Variants in ROBO2 observed in about 807,000 individuals in gnomAD.
ROBO2 encodes the protein roundabout homolog 2.
In ROBO2, 53 loss-of-function variants were observed where a neutral mutation model predicts 160.8. The observed-to-expected ratio is 0.33, with a 90% CI of 0.26 to 0.41. The LOEUF (loss-of-function observed/expected upper bound fraction) is 0.41. Ranked by LOEUF, ROBO2 falls within the 10% of genes least tolerant of loss-of-function variation. ROBO2 has a pLI of 1.00. For missense variants in ROBO2, 1,577 were observed against 1,722.4 expected (o/e 0.92, Z 1.49); for synonymous variants, 664 against 611.7 (o/e 1.09, Z -1.26).
intron 2 of ROBO2, among the ~76,000 whole-genome samples, chr3:76,613,126 G>A (rs922263002): frequency 6.6e-6 from 1 of 152,036 alleles, no homozygotes; most frequent in African/African-American, 2.4e-5. Flanking sequence ...TGAAAAGTAA[G>A]GACTTACTCC....
intron 1 of ROBO2, among the ~76,000 whole-genome samples, chr3:77,079,816 G>A (rs544042162): frequency 6.6e-6 from 1 of 152,268 alleles, no homozygotes; most frequent in South Asian, 2.1e-4. Flanking sequence ...GGGCTGTGTT[G>A]TTTATATCAC....
chr3:76,865,562 C>T (rs1577118282), intron 2 of ROBO2, among the ~76,000 whole-genome samples: 1 of 152,076 alleles, frequency 6.6e-6, no homozygotes, highest in Non-Finnish European at 1.5e-5. Context: ...ATATGTTCTA[C>T]CACAGTCTAG....
intron 2 of ROBO2, among the ~76,000 whole-genome samples, chr3:76,230,628 A>C (rs530398941): frequency 1.3e-5 from 2 of 151,622 alleles, no homozygotes; most frequent in Non-Finnish European, 2.9e-5. Flanking sequence ...CTGACTTTTC[A>C]TCTGGAATTA....
chr3:77,177,760 G>T (rs571097445), intron 2 of ROBO2, among the ~76,000 whole-genome samples: 8 of 152,066 alleles, frequency 5.3e-5, no homozygotes, highest in African/African-American at 1.9e-4. Context: ...ATAGGCAAAA[G>T]AGAGCAAGGC....
At chr3:77,571,904 G>GAAA (rs78462911) in intron 13 of ROBO2, among the ~76,000 whole-genome samples, 1 of 143,940 alleles carries the variant, frequency 6.9e-6, no homozygotes, top group East Asian at 2.0e-4. Flanking sequence ...ATTTCGTCCT[G>GAAA]AAAAAAAAAA....
chr3:76,770,935 T>C (rs569269946), intron 2 of ROBO2, among the ~76,000 whole-genome samples: 2 of 151,440 alleles, frequency 1.3e-5, no homozygotes, highest in South Asian at 4.1e-4. Flanking sequence ...TTTCTCACCC[T>C]TGACTACAAT....
At chr3:76,308,278 G>A (rs902692902) in intron 2 of ROBO2, among the ~76,000 whole-genome samples, 1 of 150,420 alleles carries the variant, frequency 6.6e-6, no homozygotes, top group African/African-American at 2.4e-5. Flanking sequence ...TCGAGAGGCT[G>A]AGGCAGAAGA....
chr3:75,920,257 T>C (rs1392986815), intron 1 of ROBO2, among the ~76,000 whole-genome samples: 1 of 152,180 alleles, frequency 6.6e-6, no homozygotes, highest in Non-Finnish European at 1.5e-5. Flanking sequence ...TCAAAGAACT[T>C]ATTTATTTCT....
intron 2 of ROBO2, among the ~76,000 whole-genome samples, chr3:77,149,312 G>A (rs1021675611): frequency 1.3e-5 from 2 of 152,050 alleles, no homozygotes; most frequent in African/African-American, 4.8e-5. Context: ...TGGGATTACA[G>A]GCATGAGCCA....
chr3:76,413,222 C>T (rs2075587377), intron 2 of ROBO2, among the ~76,000 whole-genome samples: 1 of 152,184 alleles, frequency 6.6e-6, no homozygotes, highest in Non-Finnish European at 1.5e-5. Context: ...TCCTGGGCCT[C>T]CGGGCCTGTG....
chr3:76,747,503 A>C (rs1355519468), intron 2 of ROBO2, among the ~76,000 whole-genome samples: 1 of 152,088 alleles, frequency 6.6e-6, no homozygotes, highest in African/African-American at 2.4e-5. Flanking sequence ...CATTAATATC[A>C]TGACTTAGAG....
At chr3:76,274,100 C>T (rs1294502920) in intron 2 of ROBO2, among the ~76,000 whole-genome samples, 2 of 152,178 alleles carry the variant, frequency 1.3e-5, no homozygotes, top group Non-Finnish European at 2.9e-5. Context: ...TGAGGTGTTA[C>T]ATATGTTACA....
intron 2 of ROBO2, among the ~76,000 whole-genome samples, chr3:75,993,843 C>T (rs912267609): frequency 2.6e-5 from 4 of 152,176 alleles, no homozygotes; most frequent in South Asian, 2.1e-4. Flanking sequence ...ACCAGCTATT[C>T]TCTTTCTCAT....
chr3:77,066,489 G>T (rs114265455), intron 1 of ROBO2, among the ~76,000 whole-genome samples: 2,363 of 152,100 alleles, frequency 0.016, 33 homozygotes, highest in Non-Finnish European at 0.023. Context: ...TTAAAAATGT[G>T]TTATCAATTA....
intron 2 of ROBO2, among the ~76,000 whole-genome samples, chr3:77,255,381 T>C (rs1354163680): frequency 1.3e-5 from 2 of 152,220 alleles, no homozygotes; most frequent in Non-Finnish European, 2.9e-5. Flanking sequence ...GGGAATATAG[T>C]AAAGCCCCAT....
At chr3:77,089,753 C>G (rs1301393678) in intron 1 of ROBO2, among the ~76,000 whole-genome samples, 2 of 152,106 alleles carry the variant, frequency 1.3e-5, no homozygotes, top group Non-Finnish European at 2.9e-5. Flanking sequence ...GCATATCCTA[C>G]CACATCACTG....
rs148137855 is a variant in ROBO2, at chr3:77,507,069, C to T, written c.806+13687C>T. 2.9e-3 allele frequency among the ~76,000 whole-genome samples: 441 copies of T among 152,098 alleles called. 3 individuals carry two copies. Among genetic ancestry groups the T allele is most frequent in the African/African-American group, 9.8e-3 (405 of 41,506 alleles). On this transcript the variant is annotated intron_variant, in intron 5 of 25. Transcript: ENST00000461745. ...GCACATCAGATAGTTGCTGAATTGG[C>T]GAAACTAGTAAAGAATATCCTAATT...
chr3:77,322,350 C>T (rs144899840), intron 2 of ROBO2, among the ~76,000 whole-genome samples: 142 of 152,194 alleles, frequency 9.3e-4, no homozygotes, highest in African/African-American at 3.3e-3. Flanking sequence ...TGAAGTAGCA[C>T]TGAGAAAGTT....
At chr3:76,116,033 A>G (rs1242932302) in intron 2 of ROBO2, among the ~76,000 whole-genome samples, 4 of 152,154 alleles carry the variant, frequency 2.6e-5, no homozygotes, top group Admixed American at 2.0e-4. Flanking sequence ...CCAAAGTTCA[A>G]CATATCAGTA....
Sources: allele counts gnomAD v4.1 joint callset (sites outside exome capture counted in the v4.1 genomes callset), GRCh38; gene constraint gnomAD v4.1.1; transcripts MANE v1.5; gene names NCBI Gene and HGNC (gene_info 2026-07-23, HGNC 2026-07-21).